The following ABCG5 variants were observed in gnomAD, a reference collection of about 807,000 sequenced individuals.
The protein encoded by ABCG5 is ATP binding cassette subfamily G member 5.
A neutral mutation model predicts 64.5 loss-of-function variants in ABCG5; 64 were observed. That is an observed-to-expected ratio of 0.99 (90% confidence interval 0.81 to 1.22). The LOEUF is 1.22. Ranked by LOEUF, ABCG5 falls within the 50% of genes most tolerant of loss-of-function variation. The probability of loss-of-function intolerance (pLI) is 0.00; values close to 1 mark genes in which losing one functional copy is unlikely to be tolerated. For missense variants in ABCG5, 908 were observed against 829.5 expected, an observed-to-expected ratio of 1.09 and a Z score of -1.16; for synonymous variants, 385 against 326.3, an observed-to-expected ratio of 1.18 and a Z score of -1.94.
chr2:43,837,035 G>A (rs202179650), intron 2 of ABCG5, among the ~76,000 whole-genome samples: 48,978 of 136,590 alleles, frequency 0.36, 9,033 homozygotes, highest in East Asian at 0.84. Flanking sequence ...TCTCAAAAAA[G>A]AAAAAAAAAG....
At chr2:43,839,110 T>G, upstream of ABCG5, 1 of 1,551,186 alleles carries the variant, frequency 6.4e-7, no homozygotes, top group Non-Finnish European at 8.7e-7. Context: ...CTCCCCAGGA[T>G]ACCTCGGTGA....
Position 43,838,095 on chromosome 2 carries a change from C to T in ABCG5, c.144-140G>A. 1.7e-6 allele frequency: 2 copies of T among 1,174,480 alleles called. No homozygotes were observed. The allele number at this position is 1,174,480 out of a possible 1,614,324, so 72.8% of individuals were successfully genotyped here. On this transcript the variant is annotated intron_variant, in intron 1 of 12. Transcript: ENST00000405322. The surrounding 1 kb of genome is among the most constrained non-coding windows in gnomAD (Gnocchi z 4.2). The stretch of plus-strand genomic sequence containing the variant: ...CCTAACGTGTTTCAGTCTCTGCGCC[C>T]TCCTCTGTAGAACCTGGCAGATAGC...
chr2:43,819,660 T>C (rs996200364), intron 11 of ABCG5, among the ~76,000 whole-genome samples: 18 of 152,204 alleles, frequency 1.2e-4, no homozygotes, highest in Admixed American at 5.2e-4. Flanking sequence ...CTTGGTATAA[T>C]GGTTTATTAC....
chr2:43,836,359 C>T (rs906288457), intron 2 of ABCG5, among the ~76,000 whole-genome samples: 6 of 152,168 alleles, frequency 3.9e-5, no homozygotes, highest in African/African-American at 1.4e-4. Context: ...TACATTTGGT[C>T]ATAGACTTCA....
intron 10 of ABCG5, 70 bp downstream of exon 10, chr2:43,822,727 C>A: frequency 6.2e-7 from 1 of 1,609,294 alleles, no homozygotes; most frequent in Non-Finnish European, 8.5e-7. Flanking sequence ...TGGAGCTCTC[C>A]CTGCACGAGT....
At chr2:43,808,364 G>C (rs58795814), downstream of ABCG5, among the ~76,000 whole-genome samples, 26,971 of 152,006 alleles carry the variant, frequency 0.18, 2,537 homozygotes, top group Middle Eastern at 0.32. Context: ...AGGTATGAAA[G>C]GTACGCTCTG....
rs1306344083 is a variant in ABCG5, at chr2:43,812,931, A to G, written c.*185T>C. On this transcript the variant is annotated 3_prime_UTR_variant, in exon 13 of 13. Transcript: ENST00000405322. ...TCCCTGCAAGTTGTAAGAGCAAGGG[A>G]CTATAAACCACTTCCATTGCATTCA... 14 of 605,194 alleles carry G rather than the reference A, an allele frequency of 2.3e-5. No individual in the cohort carries two copies. Among genetic ancestry groups the G allele is most frequent in the Non-Finnish European group, 3.5e-5 (12 of 338,458 alleles). 37.5% of individuals were successfully genotyped at this position (605,194 alleles called of 1,614,324 possible).
intron 12 of ABCG5, 118 bp downstream of exon 12, chr2:43,814,359 C>T (rs1241413883): frequency 1.4e-6 from 1 of 720,008 alleles, no homozygotes; most frequent in Non-Finnish European, 2.4e-6. Context: ...TATTTCAAAA[C>T]AGAGTTTTAA....
chr2:43,813,162 A>C lies in ABCG5; in HGVS notation c.1910T>G (p.Leu637Arg). ...CCTTATTTTGAAAACAACTATTCCT[A>C]GGATGACAAGAGCTGGAATAAATGA... ...LYSFIPALVI[L>R]GIVVFKIRDH... The change falls in exon 13 of 13, where the codon CTA becomes CGA. Residue 637 changes from leucine (L) to arginine (R), a missense_variant. Transcript: ENST00000405322. The C allele has an allele frequency of 2.7e-6, 4 of 1,475,078 alleles. No homozygotes were observed. The highest frequency in any genetic ancestry group is 3.8e-6 in the Non-Finnish European group (4 of 1,053,660). 91.4% of individuals were successfully genotyped at this position (1,475,078 alleles called of 1,614,324 possible). A position where few individuals can be genotyped will look rare whatever the true frequency, so the allele number is the denominator to read the frequency against.
chr2:43,820,532 A>T (rs575465737), intron 10 of ABCG5, among the ~76,000 whole-genome samples: 2 of 152,168 alleles, frequency 1.3e-5, no homozygotes, highest in African/African-American at 4.8e-5. Flanking sequence ...CATCTCTGTT[A>T]TATGGGATTA....
At position 43,838,553 on chromosome 2, in the gene ABCG5, C is replaced by A; in HGVS notation, c.127G>T (p.Ala43Ser). Residue 43 changes from alanine (A) to serine (S), a missense_variant, in exon 1 of 13, where the codon GCC becomes TCC. By Grantham distance (99) the Ala-to-Ser change is moderately conservative. Coordinates refer to ENST00000405322, the MANE Select transcript of ABCG5 (RefSeq NM_022436.3). This position sits in a 1 kb window ranked among gnomAD's most constrained non-coding sequence, Gnocchi z 4.2. ...PEPHSLGILH[A>S]SYSVSHRVRP... ...CTGCCTTACCTGACGCTGTAGGAGG[C>A]ATGGAGGATGCCCAGGCTGTGAGGC... 6.2e-7 allele frequency: 1 copy of A among 1,606,492 alleles called. No homozygotes were observed. Among genetic ancestry groups the A allele is most frequent in the Non-Finnish European group, 8.5e-7 (1 of 1,177,124 alleles).
intron 11 of ABCG5, among the ~76,000 whole-genome samples, chr2:43,816,870 C>G (rs1275515636): frequency 6.6e-6 from 1 of 152,176 alleles, no homozygotes; most frequent in Non-Finnish European, 1.5e-5. Context: ...TACTTTCTTC[C>G]ACATCCACAT....
At chr2:43,839,149 G>C, upstream of ABCG5, 15 of 1,549,046 alleles carry the variant, frequency 9.7e-6, no homozygotes, top group Non-Finnish European at 1.3e-5. Context: ...GCCCAGGCCT[G>C]GTGGGCGGGT....
Position 43,813,302 on chromosome 2 carries a change from T to G in ABCG5, c.1770A>C (p.Ser590=), listed in dbSNP as rs1280347803. ...FYGLNFTCGS[S]NVSVTTNPMC... Reference sequence around the variant, plus strand: ...TTGGATTAGTTGTCACAGAAACATTTGAGCTGCCTGTCAAGGAAAAGATTG... The same window carrying G: ...TTGGATTAGTTGTCACAGAAACATTGGAGCTGCCTGTCAAGGAAAAGATTG... Residue 590 remains serine (S), a synonymous_variant, in exon 13 of 13, where the codon TCA becomes TCC. Coordinates refer to ENST00000405322, the MANE Select transcript of ABCG5 (RefSeq NM_022436.3). 2 of 1,611,110 alleles carry G rather than the reference T, an allele frequency of 1.2e-6. No homozygotes were observed. Among genetic ancestry groups the G allele is most frequent in the Non-Finnish European group, 1.7e-6 (2 of 1,177,728 alleles).
At chr2:43,816,039 A>T (rs1204707466) in intron 11 of ABCG5, among the ~76,000 whole-genome samples, 1 of 152,140 alleles carries the variant, frequency 6.6e-6, no homozygotes, top group African/African-American at 2.4e-5. Flanking sequence ...CTGAGGTAGG[A>T]ACTGTGAACC....
At chr2:43,837,979 C>A in intron 1 of ABCG5, 24 bp from the exon 2 acceptor site, 1 of 1,613,386 alleles carries the variant, frequency 6.2e-7, no homozygotes, top group East Asian at 2.2e-5. Flanking sequence ...CCCAGGAAGG[C>A]AAAGGCAGCT....
At chr2:43,813,338 G>A in intron 12 of ABCG5, 29 bp from the exon 13 acceptor site, 1 of 1,522,946 alleles carries the variant, frequency 6.6e-7, no homozygotes, top group Non-Finnish European at 9.1e-7. Context: ...ACAGTGTCAG[G>A]TGTGGTTTAT....
chr2:43,812,492 A>C lies in ABCG5; in HGVS notation c.*624T>G, dbSNP rs1375350681. ...TTTGTTCACTGTTGAGCCCATTCCT[A>C]CGGTTTTTTATTTTAATCCTCAGTA... On this transcript the variant is annotated 3_prime_UTR_variant, in exon 13 of 13. Coordinates refer to ENST00000405322, the MANE Select transcript of ABCG5 (RefSeq NM_022436.3). The C allele has an allele frequency of 1.3e-5, 2 of 152,690 alleles. No homozygotes were observed. The highest frequency in any genetic ancestry group is 4.8e-5 in the African/African-American group (2 of 41,374). The allele number at this position is 152,690 out of a possible 1,614,324, so 9.5% of individuals were successfully genotyped here.
chr2:43,817,427 G>A (rs1390683386), intron 11 of ABCG5, among the ~76,000 whole-genome samples: 1 of 152,180 alleles, frequency 6.6e-6, no homozygotes, highest in Non-Finnish European at 1.5e-5. Flanking sequence ...GGAGGTTGCA[G>A]TGAGCCGAGA....
Sources: allele counts gnomAD v4.1 joint callset (sites outside exome capture counted in the v4.1 genomes callset), GRCh38; gene constraint gnomAD v4.1.1; non-coding constraint Gnocchi (gnomAD v3.1); transcripts MANE v1.5; gene names NCBI Gene and HGNC (gene_info 2026-07-23, HGNC 2026-07-21).